The following ARHGAP42 variants were observed in gnomAD, a reference collection of about 807,000 sequenced individuals.
The protein encoded by ARHGAP42 is rho GTPase-activating protein 42.
Under a neutral mutation model 125.0 loss-of-function variants are expected in ARHGAP42, and 63 were observed. The ratio of observed to expected loss-of-function variants is 0.50; its 90% CI spans 0.41 to 0.62. The LOEUF (loss-of-function observed/expected upper bound fraction) is 0.62, where lower values mean the gene tolerates loss of function less well. ARHGAP42 is among the 20% of genes least tolerant of loss of function. ARHGAP42 has a pLI of 0.00. For missense variants in ARHGAP42, 766 were observed against 1,024.2 expected, an observed-to-expected ratio of 0.75 and a Z score of 3.44; for synonymous variants, 339 against 351.0, an observed-to-expected ratio of 0.97 and a Z score of 0.38.
chr11:100,705,013 CAAA>C (rs1211966921), intron 1 of ARHGAP42, among the ~76,000 whole-genome samples: 3 of 54,774 alleles, frequency 5.5e-5, no homozygotes, highest in East Asian at 4.9e-4. Flanking sequence ...ACAACAACAA[CAAA>C]AAAAAAAAAA....
At chr11:100,972,257 T>A (rs566763564) in intron 17 of ARHGAP42, among the ~76,000 whole-genome samples, 8 of 151,984 alleles carry the variant, frequency 5.3e-5, no homozygotes, top group Non-Finnish European at 1.2e-4. Context: ...TGACTTGGAG[T>A]AAGATAGAAA....
chr11:100,884,057 A>G (rs1014246455), intron 4 of ARHGAP42, among the ~76,000 whole-genome samples: 1 of 152,222 alleles, frequency 6.6e-6, no homozygotes, highest in Admixed American at 6.5e-5. Context: ...ATAAGACCGC[A>G]CACAGTGGAT....
chr11:100,942,787 G>A (rs539362299), intron 9 of ARHGAP42, among the ~76,000 whole-genome samples: 2 of 151,094 alleles, frequency 1.3e-5, no homozygotes, highest in South Asian at 4.2e-4. Context: ...ATAAAATAAA[G>A]GAGAACATAA....
chr11:100,878,982 ATT>A (rs5794075), intron 4 of ARHGAP42, among the ~76,000 whole-genome samples: 1 of 147,638 alleles, frequency 6.8e-6, no homozygotes, highest in Non-Finnish European at 1.5e-5. Flanking sequence ...GACATGAACA[ATT>A]TTTTTTTTTT....
chr11:100,933,863 C>T (rs1475404927), intron 7 of ARHGAP42, among the ~76,000 whole-genome samples: 1 of 152,038 alleles, frequency 6.6e-6, no homozygotes, highest in Non-Finnish European at 1.5e-5. Flanking sequence ...TCTCGGCTCA[C>T]CGCAACCTCC....
At chr11:100,727,050 G>A in intron 1 of ARHGAP42, among the ~76,000 whole-genome samples, 1 of 152,166 alleles carries the variant, frequency 6.6e-6, no homozygotes, top group Non-Finnish European at 1.5e-5. Context: ...GGGGATCCGT[G>A]AAAATCACCT....
chr11:100,854,763 C>T (rs998638515), intron 3 of ARHGAP42, among the ~76,000 whole-genome samples: 8 of 152,012 alleles, frequency 5.3e-5, no homozygotes, highest in Non-Finnish European at 1.0e-4. Flanking sequence ...AGTTCCCCAC[C>T]CCTTGCCAGA....
At chr11:100,733,930 GT>G (rs774845588) in intron 1 of ARHGAP42, among the ~76,000 whole-genome samples, 6,496 of 113,306 alleles carry the variant, frequency 0.057, 203 homozygotes, top group East Asian at 0.16. Flanking sequence ...AAGCAAAGTT[GT>G]TTTTTTTTTT....
rs186196497 is a variant in ARHGAP42 at position 100,702,622 on chromosome 11, A to G, written c.154+14790A>G. ...AATGAGGTTTGCCTGTATTTCAATT[A>G]GTCTTTCAATTTTAATAGAAACATC... is the stretch of plus-strand genomic sequence containing the variant. On this transcript the variant is annotated intron_variant, in intron 1 of 23. Coordinates refer to ENST00000298815, the MANE Select transcript of ARHGAP42 (RefSeq NM_152432.4). Among the ~76,000 whole-genome samples, 8 of 149,376 alleles carry G rather than the reference A, an allele frequency of 5.4e-5. No homozygotes were observed. In the East Asian group the frequency reaches 1.4e-3, roughly 25 times the overall value.
At chr11:100,908,450 G>C (rs1192249539) in intron 4 of ARHGAP42, among the ~76,000 whole-genome samples, 1 of 152,156 alleles carries the variant, frequency 6.6e-6, no homozygotes, top group Non-Finnish European at 1.5e-5. Flanking sequence ...GTATATTCAT[G>C]TGTACCCATT....
intron 4 of ARHGAP42, among the ~76,000 whole-genome samples, chr11:100,866,316 A>C (rs1343766872): frequency 6.6e-6 from 1 of 152,136 alleles, no homozygotes; most frequent in Non-Finnish European, 1.5e-5. Context: ...CCACCAAGTA[A>C]TCCATAAGGC....
At position 100,764,086 on chromosome 11, in the gene ARHGAP42, G is replaced by A. The variant is rs1249542280; in HGVS notation, c.155-6257G>A. ...TACCCAGGCTACAGTATAATGGTAT[G>A]ATCACAGCACACTGCAACCTTGAAC... On this transcript the variant is annotated intron_variant, in intron 1 of 23. Transcript: ENST00000298815. Among the ~76,000 whole-genome samples, 3 of 142,552 alleles carry A rather than the reference G, an allele frequency of 2.1e-5. No homozygotes were observed. In the East Asian group the frequency reaches 6.6e-4, roughly 31 times the overall value. The allele number at this position is 142,552 out of a possible 152,430, so 93.5% of individuals were successfully genotyped here. A position where few individuals can be genotyped will look rare whatever the true frequency, so the allele number is the denominator to read the frequency against.
intron 4 of ARHGAP42, among the ~76,000 whole-genome samples, chr11:100,878,380 C>T (rs1419057370): frequency 6.6e-6 from 1 of 152,080 alleles, no homozygotes. Flanking sequence ...TTTGGCTGGT[C>T]CTCTCTGCCG....
chr11:100,789,774 C>T (rs978814982), intron 2 of ARHGAP42, among the ~76,000 whole-genome samples: 1 of 152,078 alleles, frequency 6.6e-6, no homozygotes, highest in Non-Finnish European at 1.5e-5. Flanking sequence ...GGGATTTGGG[C>T]AGTCTAATAA....
intron 8 of ARHGAP42, among the ~76,000 whole-genome samples, chr11:100,939,656 T>C (rs959830541): frequency 2.0e-5 from 3 of 152,210 alleles, no homozygotes; most frequent in African/African-American, 7.2e-5. Context: ...GATTACTGGG[T>C]AAAATAATTA....
At chr11:100,707,870 C>T (rs1377750486) in intron 1 of ARHGAP42, among the ~76,000 whole-genome samples, 1 of 152,108 alleles carries the variant, frequency 6.6e-6, no homozygotes, top group Admixed American at 6.5e-5. Flanking sequence ...CCTTTATTTC[C>T]TCCAGATAGC....
At chr11:100,781,046 C>G (rs182238489) in intron 2 of ARHGAP42, among the ~76,000 whole-genome samples, 1 of 152,204 alleles carries the variant, frequency 6.6e-6, no homozygotes, top group East Asian at 1.9e-4. Flanking sequence ...CCCACTGGCC[C>G]TGTTTTTTTG....
At chr11:100,867,915 G>A (rs1481910486) in intron 4 of ARHGAP42, among the ~76,000 whole-genome samples, 1 of 152,108 alleles carries the variant, frequency 6.6e-6, no homozygotes, top group Admixed American at 6.6e-5. Flanking sequence ...GAGGGAAGCT[G>A]GAAGAGAGAG....
intron 1 of ARHGAP42, among the ~76,000 whole-genome samples, chr11:100,726,502 T>G (rs1305062597): frequency 6.6e-6 from 1 of 152,252 alleles, no homozygotes; most frequent in Non-Finnish European, 1.5e-5. Flanking sequence ...TATTCCTGGG[T>G]ACATTTTTAT....
Sources: gnomAD v4.1 joint callset for allele counts (sites outside exome capture counted in the v4.1 genomes callset) on GRCh38, gnomAD v4.1.1 for gene constraint, MANE v1.5 for transcripts, NCBI Gene and HGNC (gene_info 2026-07-23, HGNC 2026-07-21) for gene names.